The following ADGRL3 variants were observed in gnomAD, a reference collection of about 807,000 sequenced individuals.
The protein encoded by ADGRL3 is calcium-independent alpha-latrotoxin receptor 3.
In ADGRL3, 62 loss-of-function variants were observed where a neutral mutation model predicts 153.5. That is an observed-to-expected ratio of 0.40 (90% CI 0.33 to 0.50). The LOEUF is 0.50. Among genes scored for constraint, ADGRL3 ranks in the 20% least tolerant of loss-of-function variants. The pLI, the probability that ADGRL3 is intolerant of heterozygous loss-of-function variation, is 0.47. For missense variants in ADGRL3, 1,641 were observed against 1,859.4 expected (o/e 0.88, Z 2.16); for synonymous variants, 710 against 672.5 (o/e 1.06, Z -0.86).
intron 9 of ADGRL3, among the ~76,000 whole-genome samples, chr4:61,847,634 T>TA (rs1561350542): frequency 5.4e-4 from 23 of 42,560 alleles, no homozygotes; most frequent in Non-Finnish European, 6.0e-4. Flanking sequence ...ATAAAATATA[T>TA]TATATATATA....
chr4:61,483,535 C>T (rs1006607797), intron 2 of ADGRL3, among the ~76,000 whole-genome samples: 6 of 151,884 alleles, frequency 4.0e-5, no homozygotes, highest in African/African-American at 7.3e-5. Flanking sequence ...GTCGGGAGTT[C>T]GAGACCACCC....
intron 9 of ADGRL3, among the ~76,000 whole-genome samples, chr4:61,851,010 A>G (rs2098195937): frequency 1.3e-5 from 2 of 152,186 alleles, no homozygotes; most frequent in Non-Finnish European, 2.9e-5. Flanking sequence ...TGAATAAAAA[A>G]GTGAACCAAG....
At chr4:61,215,823 A>G (rs1211702706) in intron 1 of ADGRL3, among the ~76,000 whole-genome samples, 6 of 151,982 alleles carry the variant, frequency 3.9e-5, no homozygotes, top group Non-Finnish European at 8.8e-5. Context: ...AAGTGCTGGG[A>G]TTACAGGCAT....
intron 8 of ADGRL3, among the ~76,000 whole-genome samples, chr4:61,795,177 G>C (rs1038280674): frequency 3.4e-4 from 51 of 152,132 alleles, no homozygotes; most frequent in Non-Finnish European, 5.9e-5. Context: ...GCCCAGGCTG[G>C]ACTGCAGTAG....
intron 23 of ADGRL3, among the ~76,000 whole-genome samples, chr4:62,035,270 A>T (rs928697079): frequency 6.6e-6 from 1 of 152,020 alleles, no homozygotes; most frequent in Admixed American, 6.6e-5. Context: ...CAGAACATTT[A>T]ATCTTTGTTG....
intron 6 of ADGRL3, among the ~76,000 whole-genome samples, chr4:61,702,559 C>A (rs2095786984): frequency 6.6e-6 from 1 of 151,976 alleles, no homozygotes; most frequent in African/African-American, 2.4e-5. Flanking sequence ...TTATTTGAGC[C>A]CCTGGTTTTG....
intron 5 of ADGRL3, among the ~76,000 whole-genome samples, chr4:61,602,731 A>G (rs1034635313): frequency 6.6e-6 from 1 of 152,162 alleles, no homozygotes; most frequent in Non-Finnish European, 1.5e-5. Flanking sequence ...AAAACTATCC[A>G]TCCCTTACTT....
intron 18 of ADGRL3, among the ~76,000 whole-genome samples, chr4:61,982,037 C>T (rs779817708): frequency 2.6e-5 from 4 of 152,206 alleles, no homozygotes; most frequent in South Asian, 2.1e-4. Context: ...TAATAGTTGA[C>T]GTTCTAACTC....
rs567298348 is a variant in ADGRL3, at chr4:61,847,611, T to TCA, written c.1480+33722_1480+33723insCA. On this transcript the variant is annotated intron_variant, in intron 9 of 26. Transcript: ENST00000683033. ...GTATATATATATAATATATAATATA[T>TCA]TATATATATAATATAAAATATATTA... Among the ~76,000 whole-genome samples, 37 of 55,138 alleles carry TCA rather than the reference T, an allele frequency of 6.7e-4. 2 individuals carry two copies. The highest frequency in any genetic ancestry group is 3.4e-3 in the African/African-American group (35 of 10,428). 36.2% of individuals were successfully genotyped at this position (55,138 alleles called of 152,430 possible). A position where few individuals can be genotyped will look rare whatever the true frequency, so the allele number is the denominator to read the frequency against.
rs12500122 is a variant in ADGRL3, at chr4:61,220,932, T to A, written c.-240+19167T>A. On this transcript the variant is annotated intron_variant, in intron 1 of 26. Coordinates refer to ENST00000683033, the MANE Select transcript of ADGRL3 (RefSeq NM_001387552.1). Reference sequence around the variant, plus strand: ...ATATATACATAATATATATGGACTGTAAAATACAGTTTGCATACTTTTCAT... The same window carrying A: ...ATATATACATAATATATATGGACTGAAAAATACAGTTTGCATACTTTTCAT... Among the ~76,000 whole-genome samples, 8 of 152,244 alleles carry A rather than the reference T, an allele frequency of 5.3e-5. No homozygotes were observed. In the South Asian group the frequency reaches 1.2e-3, roughly 24 times the overall value.
intron 17 of ADGRL3, among the ~76,000 whole-genome samples, chr4:61,964,443 G>C (rs147073314): frequency 3.3e-5 from 5 of 152,172 alleles, no homozygotes; most frequent in African/African-American, 9.6e-5. Flanking sequence ...ATCTAATCAG[G>C]TAAACTTTTC....
chr4:61,972,476 G>T (rs776125579), intron 17 of ADGRL3, among the ~76,000 whole-genome samples: 2 of 152,046 alleles, frequency 1.3e-5, no homozygotes, highest in East Asian at 3.9e-4. Flanking sequence ...GTAGATATGC[G>T]GTGTTATTTC....
At chr4:61,636,146 T>G (rs1312015231) in intron 5 of ADGRL3, among the ~76,000 whole-genome samples, 2 of 152,144 alleles carry the variant, frequency 1.3e-5, no homozygotes, top group Non-Finnish European at 2.9e-5. Context: ...TCAACCTGTC[T>G]GAACAAATGA....
At chr4:61,813,928 C>A in intron 9 of ADGRL3, 39 bp downstream of exon 9, 2 of 1,606,954 alleles carry the variant, frequency 1.2e-6, no homozygotes, top group South Asian at 2.2e-5. Context: ...TAACTCTGCT[C>A]ATTCTTTGAT....
At chr4:61,840,076 A>G (rs1050497950) in intron 9 of ADGRL3, among the ~76,000 whole-genome samples, 15 of 151,922 alleles carry the variant, frequency 9.9e-5, no homozygotes, top group Non-Finnish European at 2.1e-4. Context: ...TGTCTCATTT[A>G]TTTATTTACT....
intron 2 of ADGRL3, among the ~76,000 whole-genome samples, chr4:61,458,418 T>A (rs2097776584): frequency 6.6e-6 from 1 of 151,282 alleles, no homozygotes. Context: ...TAATATATTA[T>A]TAATTTTAGG....
At chr4:62,009,490 C>T (rs142070341) in intron 21 of ADGRL3, among the ~76,000 whole-genome samples, 15 of 152,072 alleles carry the variant, frequency 9.9e-5, no homozygotes, top group East Asian at 1.9e-4. Context: ...AATGTACACT[C>T]ATTGTTATTT....
At chr4:61,653,124 A>G (rs1020096410) in intron 5 of ADGRL3, among the ~76,000 whole-genome samples, 4 of 151,278 alleles carry the variant, frequency 2.6e-5, no homozygotes, top group Non-Finnish European at 5.9e-5. Flanking sequence ...GAAGAGAAAG[A>G]GAAAGCCTCT....
At position 61,560,828 on chromosome 4, in the gene ADGRL3, C is replaced by T. The variant is rs1389070618; in HGVS notation, c.260-26399C>T. ...AATAAACCAGTGGGAAAGAGATAAA[C>T]CTATCAGTTCTCCAATCATAGATTT... On this transcript the variant is annotated intron_variant, in intron 4 of 26. Coordinates refer to ENST00000683033, the MANE Select transcript of ADGRL3 (RefSeq NM_001387552.1). 1.3e-5 allele frequency among the ~76,000 whole-genome samples: 2 copies of T among 151,990 alleles called. 1 individual carries two copies. The highest frequency in any genetic ancestry group is 2.9e-5 in the Non-Finnish European group (2 of 67,990).
Sources: gnomAD v4.1 joint callset for allele counts (sites outside exome capture counted in the v4.1 genomes callset) on GRCh38, gnomAD v4.1.1 for gene constraint, MANE v1.5 for transcripts, NCBI Gene and HGNC (gene_info 2026-07-23, HGNC 2026-07-21) for gene names.